ABLIM1: variants seen among roughly 807,000 people sequenced by gnomAD.
ABLIM1 encodes the protein actin-binding LIM protein 1.
A neutral mutation model predicts 107.0 loss-of-function variants in ABLIM1; 40 were observed. The ratio of observed to expected loss-of-function variants is 0.37; its 90% CI spans 0.29 to 0.49. ABLIM1 has a LOEUF of 0.49. ABLIM1 is among the 20% of genes least tolerant of loss of function. ABLIM1 has a pLI of 0.97. For missense variants in ABLIM1, 857 were observed against 1,008.5 expected, an observed-to-expected ratio of 0.85 and a Z score of 2.04; for synonymous variants, 357 against 357.3, an observed-to-expected ratio of 1.00 and a Z score of 0.01.
chr10:114,742,470 A>T (rs1483753053), intron 1 of ABLIM1, among the ~76,000 whole-genome samples: 1 of 152,226 alleles, frequency 6.6e-6, no homozygotes, highest in Non-Finnish European at 1.5e-5. Flanking sequence ...TATAAGCAAA[A>T]CAAAGATGAA....
At chr10:114,680,797 C>T (rs1052638594) in intron 1 of ABLIM1, among the ~76,000 whole-genome samples, 27 of 152,316 alleles carry the variant, frequency 1.8e-4, no homozygotes, top group Admixed American at 5.2e-4. Flanking sequence ...GTTAGTTGCC[C>T]ATATATGCCA....
chr10:114,625,497 C>T (rs73362028), intron 1 of ABLIM1, among the ~76,000 whole-genome samples: 3,942 of 152,254 alleles, frequency 0.026, 174 homozygotes, highest in African/African-American at 0.091. Flanking sequence ...GAGCACTGTC[C>T]TAAGTTGCAC....
intron 1 of ABLIM1, among the ~76,000 whole-genome samples, chr10:114,700,446 T>C (rs1410275346): frequency 4.0e-5 from 6 of 151,628 alleles, no homozygotes; most frequent in Admixed American, 2.6e-4. Flanking sequence ...GGTTTTAAAA[T>C]AGACATGAAA....
At chr10:114,439,877 A>G in intron 20 of ABLIM1, 1 of 787,482 alleles carries the variant, frequency 1.3e-6, no homozygotes, top group East Asian at 2.7e-5. Context: ...GGCCTGGTTC[A>G]TGCAGTGTCC....
At chr10:114,701,505 T>C (rs1217278503) in intron 1 of ABLIM1, among the ~76,000 whole-genome samples, 3 of 152,142 alleles carry the variant, frequency 2.0e-5, no homozygotes, top group Non-Finnish European at 4.4e-5. Flanking sequence ...TAAATAGCTA[T>C]AAACAACAAG....
At chr10:114,540,733 C>T (rs888702178) in intron 6 of ABLIM1, among the ~76,000 whole-genome samples, 8 of 152,280 alleles carry the variant, frequency 5.3e-5, no homozygotes, top group African/African-American at 1.7e-4. Flanking sequence ...GGTGACACCA[C>T]ACCTAGAGAG....
intron 8 of ABLIM1, among the ~76,000 whole-genome samples, chr10:114,474,615 C>T (rs913938724): frequency 6.6e-6 from 1 of 152,130 alleles, no homozygotes; most frequent in African/African-American, 2.4e-5. Flanking sequence ...CTCCTGACCT[C>T]GTGATCTGCC....
chr10:114,775,587 A>G, the ABLIM1 span, among the ~76,000 whole-genome samples: 5 of 152,248 alleles, frequency 3.3e-5, no homozygotes, highest in Non-Finnish European at 7.3e-5. Context: ...CTATGGGATT[A>G]TTGAAGACAC....
intron 2 of ABLIM1, among the ~76,000 whole-genome samples, chr10:114,576,988 C>A (rs988880099): frequency 6.6e-6 from 1 of 152,206 alleles, no homozygotes; most frequent in Admixed American, 6.5e-5. Flanking sequence ...CCTGCTTCTT[C>A]TTCCCCAGAT....
At chr10:114,691,280 C>G (rs1409593102) in intron 1 of ABLIM1, among the ~76,000 whole-genome samples, 1 of 152,104 alleles carries the variant, frequency 6.6e-6, no homozygotes, top group Non-Finnish European at 1.5e-5. Flanking sequence ...AAAGAATACA[C>G]GTGGATGCCA....
At chr10:114,788,790 C>T in the ABLIM1 span, among the ~76,000 whole-genome samples, 8 of 151,394 alleles carry the variant, frequency 5.3e-5, no homozygotes, top group East Asian at 1.6e-3. Flanking sequence ...AGATAAAATA[C>T]AGGAGGCTCA....
At chr10:114,683,292 G>A (rs1242492317) in intron 1 of ABLIM1, among the ~76,000 whole-genome samples, 1 of 152,160 alleles carries the variant, frequency 6.6e-6, no homozygotes, top group Non-Finnish European at 1.5e-5. Context: ...TCCAGTAAAC[G>A]TCCAAGGCAG....
At chr10:114,497,331 G>A (rs1417763700) in intron 6 of ABLIM1, among the ~76,000 whole-genome samples, 3 of 152,148 alleles carry the variant, frequency 2.0e-5, no homozygotes, top group African/African-American at 7.2e-5. Flanking sequence ...TCACCAGAGC[G>A]CCATCACTGC....
intron 4 of ABLIM1, among the ~76,000 whole-genome samples, chr10:114,569,480 C>A (rs547827969): frequency 2.0e-5 from 3 of 151,956 alleles, no homozygotes. Flanking sequence ...CCACCACGCT[C>A]GGCTAATTTT....
At chr10:114,691,137 C>A (rs2081068759) in intron 1 of ABLIM1, among the ~76,000 whole-genome samples, 2 of 152,114 alleles carry the variant, frequency 1.3e-5, no homozygotes, top group South Asian at 4.1e-4. Context: ...TAATTTTTTT[C>A]AGAGTCACAT....
intron 1 of ABLIM1, among the ~76,000 whole-genome samples, chr10:114,612,003 T>G (rs2076839952): frequency 6.6e-6 from 1 of 152,130 alleles, no homozygotes; most frequent in African/African-American, 2.4e-5. Flanking sequence ...GACACATGCC[T>G]CAACCTCCCT....
At chr10:114,797,437 T>G in the ABLIM1 span, among the ~76,000 whole-genome samples, 1 of 152,344 alleles carries the variant, frequency 6.6e-6, no homozygotes, top group Non-Finnish European at 1.5e-5. Context: ...ATTCCAAAGC[T>G]GCCCACTAGT....
At chr10:114,624,689 G>A (rs566384245) in intron 1 of ABLIM1, among the ~76,000 whole-genome samples, 109 of 151,874 alleles carry the variant, frequency 7.2e-4, no homozygotes, top group African/African-American at 2.1e-3. Flanking sequence ...TATTTATATC[G>A]TAGAAATGAC....
intron 1 of ABLIM1, among the ~76,000 whole-genome samples, chr10:114,625,401 G>C (rs2077724706): frequency 6.6e-6 from 1 of 152,144 alleles, no homozygotes; most frequent in South Asian, 2.1e-4. Context: ...GTTTTGGGAA[G>C]ACAGACAGCA....
Sources: allele counts gnomAD v4.1 joint callset (sites outside exome capture counted in the v4.1 genomes callset), GRCh38; gene constraint gnomAD v4.1.1; transcripts MANE v1.5; gene names NCBI Gene and HGNC (gene_info 2026-07-23, HGNC 2026-07-21).